DCDC2C: variants seen among roughly 807,000 people sequenced by gnomAD.
The protein encoded by DCDC2C is doublecortin domain-containing protein 2C.
A neutral mutation model predicts 45.0 loss-of-function variants in DCDC2C; 44 were observed. The observed-to-expected ratio is 0.98, with a 90% CI of 0.77 to 1.26. The LOEUF is 1.26. DCDC2C is among the 50% of genes most tolerant of loss of function. The pLI is 0.00. For synonymous variants in DCDC2C, 187 were observed against 178.8 expected (o/e 1.05, Z -0.37); for missense variants, 447 against 468.9 (o/e 0.95, Z 0.43).
At chr2:3,741,714 T>C (rs1558572908) in intron 3 of DCDC2C, among the ~76,000 whole-genome samples, 2 of 149,240 alleles carry the variant, frequency 1.3e-5, no homozygotes. Flanking sequence ...CACATAGGTA[T>C]ACACACACGC....
At chr2:3,732,732 G>A (rs909699195) in intron 3 of DCDC2C, among the ~76,000 whole-genome samples, 12 of 152,188 alleles carry the variant, frequency 7.9e-5, no homozygotes, top group African/African-American at 2.2e-4. Flanking sequence ...GCCAGGAGGT[G>A]TAGGGCATTC....
At chr2:3,805,545 A>C (rs1448244513) in intron 10 of DCDC2C, among the ~76,000 whole-genome samples, 1 of 152,242 alleles carries the variant, frequency 6.6e-6, no homozygotes, top group African/African-American at 2.4e-5. Context: ...TTGAAAAAAC[A>C]GCAACAAATA....
At chr2:3,736,354 C>G (rs1357405466) in intron 3 of DCDC2C, among the ~76,000 whole-genome samples, 1 of 152,100 alleles carries the variant, frequency 6.6e-6, no homozygotes, top group Non-Finnish European at 1.5e-5. Context: ...AAAACCCACC[C>G]CTGGTGAAGG....
intron 10 of DCDC2C, among the ~76,000 whole-genome samples, chr2:3,836,843 C>T (rs1442173894): frequency 1.6e-5 from 2 of 129,008 alleles, no homozygotes; most frequent in Admixed American, 8.6e-5. Context: ...GCCTGGGCGA[C>T]AGAGCGAGAC....
chr2:3,786,656 C>T (rs1277920875), intron 10 of DCDC2C, among the ~76,000 whole-genome samples: 2 of 95,188 alleles, frequency 2.1e-5, no homozygotes, highest in African/African-American at 4.0e-5. Context: ...ACGGAGCCTC[C>T]GGTGCGGGTG....
At chr2:3,728,867 A>C (rs1270272073) in intron 3 of DCDC2C, among the ~76,000 whole-genome samples, 1 of 152,094 alleles carries the variant, frequency 6.6e-6, no homozygotes, top group Non-Finnish European at 1.5e-5. Context: ...CTGGAGAGAG[A>C]GCCCGGGGCT....
chr2:3,764,370 T>G (rs1669962078), intron 6 of DCDC2C, among the ~76,000 whole-genome samples: 1 of 152,232 alleles, frequency 6.6e-6, no homozygotes, highest in Admixed American at 6.5e-5. Context: ...CATATTGTAA[T>G]TTGCGCTGTT....
At chr2:3,740,842 T>C (rs535092493) in intron 3 of DCDC2C, among the ~76,000 whole-genome samples, 4 of 152,228 alleles carry the variant, frequency 2.6e-5, no homozygotes, top group Non-Finnish European at 5.9e-5. Context: ...TAAAGAGAGA[T>C]ATTTCTCAAA....
rs182466733 is a variant in DCDC2C at position 3,764,272 on chromosome 2, C to T, written c.727-3482C>T. 5.2e-3 allele frequency among the ~76,000 whole-genome samples: 791 copies of T among 152,282 alleles called. 3 individuals are homozygous for T. The highest frequency in any genetic ancestry group is 8.1e-3 in the Non-Finnish European group (550 of 68,028). On this transcript the variant is annotated intron_variant, in intron 6 of 10. Coordinates refer to ENST00000399143, the MANE Select transcript of DCDC2C (RefSeq NM_001287444.2). ...TTGGGTATGATTCAATTTGTAAGGT[C>T]CTCATTTAGTGTTTGGGGGTTAGAT...
intron 6 of DCDC2C, among the ~76,000 whole-genome samples, chr2:3,760,669 G>A (rs1251343094): frequency 6.6e-6 from 1 of 152,076 alleles, no homozygotes. Context: ...CACACACTGG[G>A]GCCTGTTAGG....
intron 5 of DCDC2C, 148 bp downstream of exon 5, chr2:3,753,048 A>G: frequency 9.7e-7 from 1 of 1,029,792 alleles, no homozygotes; most frequent in Non-Finnish European, 1.4e-6. Context: ...ATACAATTTT[A>G]GATTTTAAAA....
intron 7 of DCDC2C, 69 bp downstream of exon 7, chr2:3,767,949 T>TA: frequency 7.2e-7 from 1 of 1,390,078 alleles, no homozygotes. Flanking sequence ...GGGATTTTTT[T>TA]TTTTTCAGAG....
At chr2:3,827,367 G>C (rs768401825) in intron 10 of DCDC2C, among the ~76,000 whole-genome samples, 5 of 152,104 alleles carry the variant, frequency 3.3e-5, no homozygotes, top group Non-Finnish European at 7.4e-5. Context: ...CTGGGACCGG[G>C]GAGACAGGAA....
intron 10 of DCDC2C, among the ~76,000 whole-genome samples, chr2:3,843,583 C>T (rs548476794): frequency 8.5e-5 from 13 of 152,294 alleles, no homozygotes; most frequent in South Asian, 8.3e-4. Context: ...GTAGTTTGGC[C>T]GGTGAAAGGT....
chr2:3,739,436 C>T (rs1669130157), intron 3 of DCDC2C, among the ~76,000 whole-genome samples: 1 of 152,180 alleles, frequency 6.6e-6, no homozygotes, highest in Admixed American at 6.5e-5. Context: ...AGCTTGAGAC[C>T]CTGGCAAGGC....
intron 10 of DCDC2C, among the ~76,000 whole-genome samples, chr2:3,836,776 G>A (rs1056619994): frequency 6.0e-5 from 9 of 150,816 alleles, no homozygotes; most frequent in Admixed American, 1.3e-4. Flanking sequence ...GCAGGAGAAT[G>A]ACGTGAACCC....
intron 10 of DCDC2C, among the ~76,000 whole-genome samples, chr2:3,794,738 G>A (rs986596059): frequency 6.6e-6 from 1 of 152,158 alleles, no homozygotes; most frequent in African/African-American, 2.4e-5. Flanking sequence ...GTGTATATGT[G>A]CCACATTTTC....
intron 10 of DCDC2C, among the ~76,000 whole-genome samples, chr2:3,836,858 T>C (rs1240524427): frequency 7.9e-5 from 5 of 62,900 alleles, no homozygotes; most frequent in Non-Finnish European, 1.8e-4. Context: ...CGAGACTCCG[T>C]CTCAAAAAAA....
At chr2:3,728,508 G>A (rs1455710805) in intron 3 of DCDC2C, among the ~76,000 whole-genome samples, 1 of 152,160 alleles carries the variant, frequency 6.6e-6, no homozygotes, top group Admixed American at 6.5e-5. Context: ...TTATGTGCGT[G>A]ACCCAGGCCA....
Sources: gnomAD v4.1 joint callset for allele counts (sites outside exome capture counted in the v4.1 genomes callset) on GRCh38, gnomAD v4.1.1 for gene constraint, MANE v1.5 for transcripts, NCBI Gene and HGNC (gene_info 2026-07-23, HGNC 2026-07-21) for gene names.